The following FRY variants were observed in gnomAD, a reference collection of about 807,000 sequenced individuals.
FRY encodes protein furry homolog.
A neutral mutation model predicts 348.4 loss-of-function variants in FRY; 128 were observed. The observed-to-expected ratio is 0.37, with a 90% CI of 0.32 to 0.43. The LOEUF is 0.43. Ranked by LOEUF, FRY falls within the 20% of genes least tolerant of loss-of-function variation. The probability of loss-of-function intolerance (pLI) is 1.00; values close to 1 mark genes in which losing one functional copy is unlikely to be tolerated. For synonymous variants in FRY, 1,370 were observed against 1,374.7 expected (o/e 1.00, Z 0.08); for missense variants, 2,736 against 3,695.2 (o/e 0.74, Z 6.73).
At position 32,237,962 on chromosome 13, in the gene FRY, A is replaced by G. The variant is rs772967229; in HGVS notation, c.6394A>G (p.Met2132Val). 1.2e-6 allele frequency: 2 copies of G among 1,613,836 alleles called. No individual in the cohort carries two copies. Among genetic ancestry groups the G allele is most frequent in the African/African-American group, 1.3e-5 (1 of 74,910 alleles). The change falls in exon 44 of 61, where the codon ATG becomes GTG. Residue 2132 changes from methionine to valine, a missense_variant. This residue lies in a region of FRY where 789 missense variants were observed against 996.2 expected (regional missense o/e 0.79). Transcript: ENST00000542859. This position sits in a 1 kb window ranked among gnomAD's most constrained non-coding sequence, Gnocchi z 6.3. ...SLLTPVSKIS[M>V]VDASHAIGFP... is the part of the protein sequence containing the mutation. ...GCTGACACCAGTGTCCAAAATATCCATGGTGGATGCATCCCACGCTATTGG... is the reference window on the plus strand; with the variant it reads ...GCTGACACCAGTGTCCAAAATATCCGTGGTGGATGCATCCCACGCTATTGG...
intron 17 of FRY, among the ~76,000 whole-genome samples, chr13:32,163,424 G>A (rs763986028): frequency 1.3e-5 from 2 of 152,118 alleles, no homozygotes; most frequent in Non-Finnish European, 2.9e-5. Context: ...TTTTCCCATG[G>A]TAAAATTTTG....
At chr13:32,050,766 AT>A (rs1873278186) in intron 1 of FRY, among the ~76,000 whole-genome samples, 2 of 152,190 alleles carry the variant, frequency 1.3e-5, no homozygotes, top group Non-Finnish European at 1.5e-5. Flanking sequence ...TCTGGTGACA[AT>A]TATTACATGA....
chr13:32,213,295 C>T (rs1884787997), intron 35 of FRY, among the ~76,000 whole-genome samples: 1 of 152,192 alleles, frequency 6.6e-6, no homozygotes. Flanking sequence ...TGACCTGGCA[C>T]AGGGCTGCCT....
intron 2 of FRY, among the ~76,000 whole-genome samples, chr13:32,086,927 C>T (rs1303693374): frequency 1.3e-5 from 2 of 152,066 alleles, no homozygotes; most frequent in Non-Finnish European, 2.9e-5. Context: ...AAATAGTTAA[C>T]GGACAAGATG....
chr13:32,269,914 T>C (rs895205533), intron 55 of FRY, among the ~76,000 whole-genome samples: 24 of 152,208 alleles, frequency 1.6e-4, no homozygotes, highest in Admixed American at 6.5e-4. Context: ...ACTAGCTCAC[T>C]TGGAGTCTTA....
chr13:32,201,408 G>C (rs1884023755), intron 29 of FRY, among the ~76,000 whole-genome samples: 1 of 152,208 alleles, frequency 6.6e-6, no homozygotes, highest in African/African-American at 2.4e-5. Flanking sequence ...GAACTAGACT[G>C]TACAGGTTGT....
At chr13:32,143,894 T>A (rs1001768102) in intron 11 of FRY, among the ~76,000 whole-genome samples, 2 of 152,164 alleles carry the variant, frequency 1.3e-5, no homozygotes, top group African/African-American at 4.8e-5. Context: ...AGGATTATCA[T>A]CTGCATTTCA....
intron 47 of FRY, among the ~76,000 whole-genome samples, chr13:32,245,068 A>C (rs111404936): frequency 1.3e-5 from 2 of 151,842 alleles, no homozygotes; most frequent in Non-Finnish European, 2.9e-5. Flanking sequence ...TTCTGCCTCA[A>C]CCTCCCAAGT....
At position 32,210,823 on chromosome 13, in the gene FRY, T is replaced by C. The variant is rs767246648; in HGVS notation, c.4423-43T>C. On this transcript the variant is annotated intron_variant, in intron 33 of 60. Transcript: ENST00000542859. ...TTACTGGCCTAGTGTTCCTGTGGAC[T>C]AGGCTCTGTGAAACATCCCTTGTTT... 8 of 1,554,260 alleles carry C rather than the reference T, an allele frequency of 5.1e-6. No individual in the cohort carries two copies. In the Admixed American group the frequency reaches 1.3e-4, roughly 26 times the overall value.
chr13:32,289,391 C>T (rs1364094312), intron 58 of FRY, among the ~76,000 whole-genome samples: 1 of 152,030 alleles, frequency 6.6e-6, no homozygotes, highest in African/African-American at 2.4e-5. Flanking sequence ...TCACTCAGTC[C>T]CTTTATAGGT....
At chr13:32,276,904 C>G (rs1047678700) in intron 57 of FRY, among the ~76,000 whole-genome samples, 1 of 152,196 alleles carries the variant, frequency 6.6e-6, no homozygotes, top group African/African-American at 2.4e-5. Flanking sequence ...TAGCCTCACC[C>G]AAAACTAGTT....
At chr13:32,132,995 A>G (rs1259991025) in intron 8 of FRY, among the ~76,000 whole-genome samples, 1 of 152,208 alleles carries the variant, frequency 6.6e-6, no homozygotes, top group African/African-American at 2.4e-5. Flanking sequence ...GCAAATCCAT[A>G]GAGACAGAAA....
At chr13:32,112,582 G>A (rs1878042054) in intron 3 of FRY, among the ~76,000 whole-genome samples, 1 of 152,174 alleles carries the variant, frequency 6.6e-6, no homozygotes, top group Non-Finnish European at 1.5e-5. Context: ...ATTTGCAATT[G>A]AATGTGACTT....
At position 32,184,663 on chromosome 13, in the gene FRY, T is replaced by C; in HGVS notation, c.3118T>C (p.Leu1040=). 4 of 1,611,036 alleles carry C rather than the reference T, an allele frequency of 2.5e-6. No homozygotes were observed. Among genetic ancestry groups the C allele is most frequent in the Non-Finnish European group, 3.4e-6 (4 of 1,177,118 alleles). ...RLQLLRIFEL[L]ADAGVISDST... ...ACAACTACTTCGAATTTTTGAACTT[T>C]TGGCTGATGCTGGTGTAATAAGTGA... Residue 1040 remains leucine (L), a synonymous_variant, in exon 25 of 61, where the codon TTG becomes CTG. Coordinates refer to ENST00000542859, the MANE Select transcript of FRY (RefSeq NM_023037.3).
At chr13:32,238,522 G>A (rs1378106513) in intron 44 of FRY, among the ~76,000 whole-genome samples, 6 of 151,932 alleles carry the variant, frequency 3.9e-5, no homozygotes, top group Admixed American at 2.0e-4. Context: ...GCGTGATCTC[G>A]GCTCACTGCA....
At chr13:32,054,442 G>T (rs1873511657) in intron 1 of FRY, among the ~76,000 whole-genome samples, 1 of 151,924 alleles carries the variant, frequency 6.6e-6, no homozygotes. Context: ...AATAAAACTT[G>T]CTTGGGTTGT....
At chr13:32,080,380 T>C (rs1176553311) in intron 2 of FRY, among the ~76,000 whole-genome samples, 2 of 152,196 alleles carry the variant, frequency 1.3e-5, no homozygotes, top group Non-Finnish European at 1.5e-5. Context: ...ACAATGACCT[T>C]AGGTAGATAG....
rs1886385286 is a variant in FRY at position 32,239,372 on chromosome 13, C to T, written c.6516+23C>T. On this transcript the variant is annotated intron_variant, in intron 45 of 60. Transcript: ENST00000542859. The surrounding 1 kb of genome is among the most constrained non-coding windows in gnomAD (Gnocchi z 4.3). ...CAGGTATGAGTTACAGTTCCACACT[C>T]AGGCAGATCCATAGAGGCCTTCAGG... 3.6e-6 allele frequency: 5 copies of T among 1,406,976 alleles called. No individual in the cohort carries two copies. Among genetic ancestry groups the T allele is most frequent in the Non-Finnish European group, 5.0e-6 (5 of 991,016 alleles). 87.2% of individuals were successfully genotyped at this position (1,406,976 alleles called of 1,614,324 possible). A position where few individuals can be genotyped will look rare whatever the true frequency, so the allele number is the denominator to read the frequency against.
Position 32,294,387 on chromosome 13 carries a change from A to G in FRY, c.8600A>G (p.Glu2867Gly). The G allele has an allele frequency of 6.2e-7, 1 of 1,613,288 alleles. No homozygotes were observed. The highest frequency in any genetic ancestry group is 8.5e-7 in the Non-Finnish European group (1 of 1,179,290). ...AAATAGCTGCTGAATATGTCCAGGG[A>G]ACTGAGTGACCTAAAGAAACACCTG... is the stretch of plus-strand genomic sequence containing the variant. ...SMPELLNMSR[E>G]LSDLKKHLKE... The change falls in exon 60 of 61, where the codon GAA becomes GGA. Residue 2867 changes from glutamate to glycine, a missense_variant. Physicochemically the swap from Glu to Gly is moderately conservative, Grantham distance 98. Around this residue, in one of 9 missense-constraint regions of FRY, gnomAD observed 157 missense variants for 215.2 expected, o/e 0.73. Transcript: ENST00000542859.
Sources: gnomAD v4.1 joint callset for allele counts (sites outside exome capture counted in the v4.1 genomes callset) on GRCh38, gnomAD v4.1.1 for gene constraint, gnomAD v4.1.1 regional missense constraint, Gnocchi (gnomAD v3.1) non-coding constraint, MANE v1.5 for transcripts, NCBI Gene and HGNC (gene_info 2026-07-23, HGNC 2026-07-21) for gene names.